N4BP2L2: variants seen among roughly 807,000 people sequenced by gnomAD.
The protein encoded by N4BP2L2 is NEDD4-binding protein 2-like 2.
N4BP2L2 carries 50 observed loss-of-function variants against 56.2 expected under a neutral mutation model. The ratio of observed to expected loss-of-function variants is 0.89; its 90% CI spans 0.71 to 1.13. N4BP2L2 has a LOEUF of 1.13. Among genes scored for constraint, N4BP2L2 ranks in the 50% most tolerant of loss-of-function variants. The pLI, the probability that N4BP2L2 is intolerant of heterozygous loss-of-function variation, is 0.00. For missense variants in N4BP2L2, 689 were observed against 693.8 expected (o/e 0.99, Z 0.08); for synonymous variants, 203 against 223.6 (o/e 0.91, Z 0.82).
downstream of N4BP2L2, chr13:32,506,382 C>G (rs576928113): frequency 4.8e-4 from 73 of 152,254 alleles, no homozygotes; most frequent in African/African-American, 1.7e-3. Flanking sequence ...AGTTGGGTGT[C>G]TGTGTGTGGG....
At chr13:32,502,266 G>A (rs528348001) in intron 6 of N4BP2L2, among the ~76,000 whole-genome samples, 5 of 151,862 alleles carry the variant, frequency 3.3e-5, no homozygotes, top group Middle Eastern at 6.8e-3. Context: ...TGGTAGAGAC[G>A]GGGTTTCACG....
intron 6 of N4BP2L2, among the ~76,000 whole-genome samples, chr13:32,500,178 C>T (rs1004779850): frequency 2.6e-5 from 4 of 152,212 alleles, no homozygotes; most frequent in Non-Finnish European, 5.9e-5. Flanking sequence ...CTACCTTGCT[C>T]CCAAAAGAAT....
At chr13:32,444,621 A>G (rs775399298) in intron 6 of N4BP2L2, among the ~76,000 whole-genome samples, 4 of 152,266 alleles carry the variant, frequency 2.6e-5, no homozygotes, top group Non-Finnish European at 5.9e-5. Flanking sequence ...AATCCTATAC[A>G]TTAAAAATGA....
rs116206808 is a variant in N4BP2L2, at chr13:32,433,991, G to A, written c.*22-1019C>T. On this transcript the variant is annotated intron_variant, in intron 9 of 9. Coordinates refer to the N4BP2L2 transcript ENST00000357505. ...AAAGAAAGGCAATGCTTTAATCCAA[G>A]GCAGTATTTAGGGGAAGGGAATTCA... Among the ~76,000 whole-genome samples, 427 of 150,564 alleles carry A rather than the reference G, an allele frequency of 2.8e-3. 2 individuals are homozygous for A. The highest frequency in any genetic ancestry group is 9.7e-3 in the African/African-American group (398 of 41,038).
At chr13:32,438,633 C>T (rs1361777130) in intron 8 of N4BP2L2, 12 of 1,553,268 alleles carry the variant, frequency 7.7e-6, no homozygotes, top group Non-Finnish European at 1.1e-5. Context: ...CATACACACA[C>T]ACACACACAC....
At chr13:32,454,413 C>A (rs1004812796) in intron 6 of N4BP2L2, among the ~76,000 whole-genome samples, 2 of 151,934 alleles carry the variant, frequency 1.3e-5, no homozygotes, top group Non-Finnish European at 2.9e-5. Context: ...CAGAAACAAA[C>A]CTTGGGGGGG....
rs111348797 is a variant in N4BP2L2 at position 32,435,409 on chromosome 13, T to C, written c.*21+952A>G. Among the ~76,000 whole-genome samples, 1,014 of 152,152 alleles carry C rather than the reference T, an allele frequency of 6.7e-3. 9 individuals are homozygous for C. Among genetic ancestry groups the C allele is most frequent in the African/African-American group, 0.022 (932 of 41,502 alleles). On this transcript the variant is annotated intron_variant, in intron 9 of 9. Coordinates refer to the N4BP2L2 transcript ENST00000357505. ...CCACCACACCTGGCTAATTTTTGTA[T>C]TTTTAGTAGAAACGGGGTTTTGCCA...
exon 2 of N4BP2L2, chr13:32,537,003 T>C (rs2056713977): frequency 1.9e-6 from 3 of 1,580,524 alleles, no homozygotes; most frequent in Non-Finnish European, 1.7e-6. Context: ...CCCAAGAATT[T>C]ACCTTCAATT....
chr13:32,526,716 C>T lies in N4BP2L2; in HGVS notation c.1384+692G>A, dbSNP rs530384379. Among the ~76,000 whole-genome samples the T allele has an allele frequency of 1.3e-4, 19 of 150,594 alleles. No homozygotes were observed. The South Asian group carries it at 3.1e-3, about 25-fold the overall frequency. ...TTCAATTCTGACTATACATCAGAAT[C>T]GTCTGGAGAAATTTCAAAACAAAAA... is the stretch of plus-strand genomic sequence containing the variant. On this transcript the variant is annotated intron_variant, in intron 3 of 5. Transcript: ENST00000267068.
chr13:32,496,431 A>G (rs1250994840), intron 6 of N4BP2L2, among the ~76,000 whole-genome samples: 1 of 152,228 alleles, frequency 6.6e-6, no homozygotes, highest in Non-Finnish European at 1.5e-5. Flanking sequence ...AATACATAAC[A>G]AGTGTGCTGG....
chr13:32,536,148 A>C (rs752309937), exon 2 of N4BP2L2: 8 of 1,613,888 alleles, frequency 5.0e-6, no homozygotes, highest in Non-Finnish European at 6.8e-6. Context: ...GGACCACTGA[A>C]TCTCTGAATG....
intron 6 of N4BP2L2, among the ~76,000 whole-genome samples, chr13:32,494,530 G>A (rs1490302671): frequency 2.6e-5 from 4 of 152,060 alleles, no homozygotes; most frequent in African/African-American, 7.2e-5. Context: ...TTGGGAGGCC[G>A]AGGCGTGCAG....
chr13:32,518,061 T>C, intron 5 of N4BP2L2, 58 bp from the exon 6 acceptor site: 1 of 1,484,520 alleles, frequency 6.7e-7, no homozygotes, highest in East Asian at 2.3e-5. Context: ...GCTTAGAGAT[T>C]AACTGTTTTA....
exon 6 of N4BP2L2, chr13:32,514,297 G>A (rs2048735929): frequency 6.6e-6 from 1 of 152,034 alleles, no homozygotes; most frequent in African/African-American, 2.4e-5. Flanking sequence ...CTAAAATTAT[G>A]AAACATAAAA....
At chr13:32,454,366 GA>G (rs746384547) in intron 6 of N4BP2L2, among the ~76,000 whole-genome samples, 68 of 151,960 alleles carry the variant, frequency 4.5e-4, no homozygotes, top group Non-Finnish European at 8.7e-4. Flanking sequence ...AATTAGTGCA[GA>G]AAAGTCACTA....
chr13:32,487,693 A>T (rs746092075), intron 6 of N4BP2L2, among the ~76,000 whole-genome samples: 1 of 151,890 alleles, frequency 6.6e-6, no homozygotes, highest in Non-Finnish European at 1.5e-5. Context: ...AAAAAGAAAG[A>T]GGTTATTGTA....
intron 6 of N4BP2L2, among the ~76,000 whole-genome samples, chr13:32,465,585 T>C (rs1423680459): frequency 2.0e-5 from 3 of 152,250 alleles, no homozygotes; most frequent in African/African-American, 4.8e-5. Context: ...ATACTGTATA[T>C]GTAATGCACA....
At chr13:32,503,988 A>G (rs147007112) in intron 6 of N4BP2L2, among the ~76,000 whole-genome samples, 16 of 152,324 alleles carry the variant, frequency 1.1e-4, no homozygotes, top group African/African-American at 3.6e-4. Flanking sequence ...TGGGTGAAAG[A>G]AAAAGACTCT....
At chr13:32,468,172 AT>A (rs2081578017) in intron 6 of N4BP2L2, among the ~76,000 whole-genome samples, 1 of 151,724 alleles carries the variant, frequency 6.6e-6, no homozygotes, top group Non-Finnish European at 1.5e-5. Flanking sequence ...TTGAAGTCAC[AT>A]TTGAGATGGC....
Sources: gnomAD v4.1 joint callset for allele counts (sites outside exome capture counted in the v4.1 genomes callset) on GRCh38, gnomAD v4.1.1 for gene constraint, MANE v1.5 for transcripts, NCBI Gene and HGNC (gene_info 2026-07-23, HGNC 2026-07-21) for gene names.